The following RP1 variants were observed in gnomAD, a reference collection of about 807,000 sequenced individuals.
The protein encoded by RP1 is RP1 axonemal microtubule associated.
Under a neutral mutation model 14.8 loss-of-function variants are expected in RP1, and 16 were observed. The ratio of observed to expected loss-of-function variants is 1.08; its 90% CI spans 0.73 to 1.65. The LOEUF is 1.65. Among genes scored for constraint, RP1 ranks in the 40% most tolerant of loss-of-function variants. The probability of loss-of-function intolerance (pLI) is 0.00; values close to 1 mark genes in which losing one functional copy is unlikely to be tolerated. For missense variants in RP1, 2,631 were observed against 2,535.0 expected, an observed-to-expected ratio of 1.04 and a Z score of -0.81; for synonymous variants, 876 against 883.6, an observed-to-expected ratio of 0.99 and a Z score of 0.15.
chr8:54,709,800 T>C (rs1808253579), intron 15 of RP1, among the ~76,000 whole-genome samples: 1 of 152,100 alleles, frequency 6.6e-6, no homozygotes, highest in African/African-American at 2.4e-5. Flanking sequence ...AAGTAGTAGC[T>C]AAATGCAAAA....
chr8:54,699,944 A>G (rs1204123889), intron 13 of RP1, among the ~76,000 whole-genome samples: 3 of 152,182 alleles, frequency 2.0e-5, no homozygotes, highest in Admixed American at 1.3e-4. Context: ...TAATGCATAC[A>G]TGTTATTTAT....
Position 54,628,553 on chromosome 8 carries a change from T to G in RP1, c.4671T>G (p.Thr1557=). The G allele has an allele frequency of 6.2e-7, 1 of 1,613,904 alleles. No individual in the cohort carries two copies. Among genetic ancestry groups the G allele is most frequent in the Non-Finnish European group, 8.5e-7 (1 of 1,179,912 alleles). ...NSEKETNEGE[T]KMVKMMVKTM... ...AAAAGGAGACCAATGAAGGAGAAAC[T>G]AAGATGGTAAAAATGATGGTGAAAA... The change falls in exon 4 of 4, where the codon ACT becomes ACG. Residue 1557 remains threonine (T), a synonymous_variant. Coordinates refer to ENST00000220676, the MANE Select transcript of RP1 (RefSeq NM_006269.2).
chr8:54,671,997 A>G (rs1265913002), intron 7 of RP1, among the ~76,000 whole-genome samples: 1 of 152,186 alleles, frequency 6.6e-6, no homozygotes, highest in Non-Finnish European at 1.5e-5. Flanking sequence ...TGGTCAGCCC[A>G]GGTGGAGGTT....
chr8:54,629,142 C>T lies in RP1; in HGVS notation c.5260C>T (p.Leu1754=), dbSNP rs141480868. 1.4e-5 allele frequency: 22 copies of T among 1,614,066 alleles called. No individual in the cohort carries two copies. In the African/African-American group the frequency reaches 2.8e-4, roughly 21 times the overall value. The change falls in exon 4 of 4, where the codon CTA becomes TTA. Residue 1754 remains leucine (L), a synonymous_variant. Coordinates refer to ENST00000220676, the MANE Select transcript of RP1 (RefSeq NM_006269.2). Reference sequence around the variant, plus strand: ...ATGGCTTCTGAAAGAAAATCATTTGCTAAGGATGTCATCTGAAAATCCTGG... The same window carrying T: ...ATGGCTTCTGAAAGAAAATCATTTGTTAAGGATGTCATCTGAAAATCCTGG... ...GKWLLKENHL[L]RMSSENPGMC...
intron 15 of RP1, among the ~76,000 whole-genome samples, chr8:54,714,493 G>A (rs926312299): frequency 6.6e-6 from 1 of 152,042 alleles, no homozygotes; most frequent in Non-Finnish European, 1.5e-5. Flanking sequence ...CTAGTAAACT[G>A]GCTCAACTAA....
Position 54,627,619 on chromosome 8 carries a change from C to T in RP1, c.3737C>T (p.Ala1246Val). Residue 1246 changes from alanine (A) to valine (V), a missense_variant, in exon 4 of 4, where the codon GCC becomes GTC. Coordinates refer to ENST00000220676, the MANE Select transcript of RP1 (RefSeq NM_006269.2). ...GGTTGCTCTGCCAGTGAGGCATGTG[C>T]CCCTGAAGTCTGTGTTTTGGAAGTG... Reference protein sequence around the residue: ...DGGCSASEACAPEVCVLEVTC... With the variant: ...DGGCSASEACVPEVCVLEVTC... The T allele has an allele frequency of 2.5e-6, 4 of 1,614,166 alleles. No homozygotes were observed. Among genetic ancestry groups the T allele is most frequent in the Non-Finnish European group, 3.4e-6 (4 of 1,179,986 alleles).
chr8:54,844,808 G>A (rs1430828777), intron 25 of RP1, among the ~76,000 whole-genome samples: 2 of 152,176 alleles, frequency 1.3e-5, no homozygotes, highest in Admixed American at 6.5e-5. Context: ...AATATTTCCC[G>A]AGCAGATTGA....
intron 5 of RP1, among the ~76,000 whole-genome samples, chr8:54,653,982 T>G (rs1806706402): frequency 6.6e-6 from 1 of 152,196 alleles, no homozygotes; most frequent in Non-Finnish European, 1.5e-5. Context: ...AAATTTTGTA[T>G]TATAGAGGAA....
At chr8:54,829,701 C>A (rs1163407303) in intron 24 of RP1, among the ~76,000 whole-genome samples, 1 of 152,114 alleles carries the variant, frequency 6.6e-6, no homozygotes, top group East Asian at 1.9e-4. Context: ...TGTCTATGTT[C>A]TTAAGAACTG....
At chr8:54,763,934 T>C (rs1809703649) in intron 22 of RP1, among the ~76,000 whole-genome samples, 1 of 152,114 alleles carries the variant, frequency 6.6e-6, no homozygotes. Context: ...TTGAGAAAGG[T>C]TGAGATTATC....
intron 24 of RP1, among the ~76,000 whole-genome samples, chr8:54,806,894 C>G (rs542217013): frequency 2.6e-4 from 40 of 152,190 alleles, no homozygotes; most frequent in African/African-American, 9.6e-4. Flanking sequence ...ATGTTGTCCC[C>G]AAAATAAGCT....
At chr8:54,614,063 C>T (rs1287530199), upstream of RP1, among the ~76,000 whole-genome samples, 1 of 152,144 alleles carries the variant, frequency 6.6e-6, no homozygotes, top group Non-Finnish European at 1.5e-5. Context: ...TAACCCTCAC[C>T]AATGAGCCTA....
intron 25 of RP1, among the ~76,000 whole-genome samples, chr8:54,844,063 G>C (rs536671999): frequency 3.3e-5 from 5 of 152,206 alleles, no homozygotes; most frequent in African/African-American, 1.2e-4. Flanking sequence ...CCTTCTCCTT[G>C]AACTTTATGG....
chr8:54,711,177 C>T (rs374132043), intron 15 of RP1, among the ~76,000 whole-genome samples: 277 of 152,202 alleles, frequency 1.8e-3, no homozygotes, highest in Middle Eastern at 3.4e-3. Context: ...TTTTAATAGA[C>T]ATTTGTAAAA....
intron 24 of RP1, among the ~76,000 whole-genome samples, chr8:54,823,579 G>T (rs568208660): frequency 2.0e-5 from 3 of 152,180 alleles, no homozygotes; most frequent in Non-Finnish European, 4.4e-5. Context: ...GTCCACTCAC[G>T]TTGGCCTCCA....
At chr8:54,799,944 C>G (rs1028873391) in intron 24 of RP1, among the ~76,000 whole-genome samples, 3 of 151,952 alleles carry the variant, frequency 2.0e-5, no homozygotes, top group African/African-American at 7.2e-5. Flanking sequence ...TTCTTTATTT[C>G]TCTGTGTAGA....
intron 24 of RP1, among the ~76,000 whole-genome samples, chr8:54,793,846 A>T (rs142020529): frequency 1.2e-3 from 188 of 152,008 alleles, no homozygotes; most frequent in African/African-American, 4.4e-3. Flanking sequence ...GCAAGAAAAA[A>T]TAGGGCATCC....
chr8:54,691,647 T>C (rs1807711945), intron 12 of RP1, among the ~76,000 whole-genome samples: 1 of 151,878 alleles, frequency 6.6e-6, no homozygotes, highest in Non-Finnish European at 1.5e-5. Context: ...CATTTAAAGA[T>C]AGAACCCTAG....
chr8:54,769,854 C>A, exon 23 of RP1: 2 of 1,273,544 alleles, frequency 1.6e-6, no homozygotes, highest in Non-Finnish European at 2.2e-6. Context: ...TTTGTTACAT[C>A]TGGACATCAT....
Sources: allele counts gnomAD v4.1 joint callset (sites outside exome capture counted in the v4.1 genomes callset), GRCh38; gene constraint gnomAD v4.1.1; transcripts MANE v1.5; gene names NCBI Gene and HGNC (gene_info 2026-07-23, HGNC 2026-07-21).